ECPAS: variants seen among roughly 807,000 people sequenced by gnomAD.
ECPAS encodes proteasome adapter and scaffold protein ECM29.
A neutral mutation model predicts 255.1 loss-of-function variants in ECPAS; 70 were observed. The observed-to-expected ratio is 0.27, with a 90% CI of 0.23 to 0.33. The LOEUF is 0.33. ECPAS is among the 10% of genes least tolerant of loss of function. The pLI, the probability that ECPAS is intolerant of heterozygous loss-of-function variation, is 1.00. For synonymous variants in ECPAS, 784 were observed against 775.0 expected (o/e 1.01, Z -0.19); for missense variants, 1,817 against 2,206.4 (o/e 0.82, Z 3.54).
chr9:111,363,267 T>A (rs2098116142), intron 49 of ECPAS, among the ~76,000 whole-genome samples: 3 of 152,192 alleles, frequency 2.0e-5, no homozygotes, highest in Admixed American at 2.0e-4. Context: ...TTCTGCTTAT[T>A]TACATGTACA....
At chr9:111,375,083 C>T (rs764813783) in intron 38 of ECPAS, 30 bp downstream of exon 38, 6 of 1,494,056 alleles carry the variant, frequency 4.0e-6, no homozygotes, top group East Asian at 4.5e-5. Context: ...AATGAAGATG[C>T]ACATTTCCTC....
chr9:111,395,731 C>T (rs932827684), intron 25 of ECPAS, among the ~76,000 whole-genome samples: 1 of 152,140 alleles, frequency 6.6e-6, no homozygotes, highest in Non-Finnish European at 1.5e-5. Flanking sequence ...TCAGTGTGAG[C>T]CCTCCCTGTT....
At position 111,414,636 on chromosome 9, in the gene ECPAS, G is replaced by A. The variant is rs761135409; in HGVS notation, c.1780C>T (p.Arg594Cys). Residue 594 changes from arginine to cysteine, a missense_variant, in exon 19 of 50, where the codon CGC becomes TGC. Transcript: ENST00000684092. Reference protein sequence around the residue: ...AAFGEIVLYLRMCLAHSAGVV... With the variant: ...AAFGEIVLYLCMCLAHSAGVV... ...CCCGCACTGTGCGCAAGGCACATGC[G>A]CAAGTACAGAACGATCTACAAACAG... 6.2e-7 allele frequency: 1 copy of A among 1,612,772 alleles called. No individual in the cohort carries two copies. The highest frequency in any genetic ancestry group is 1.1e-5 in the South Asian group (1 of 91,044).
rs566025653 is a variant in ECPAS at position 111,462,846 on chromosome 9, G to A, written c.22+10051C>T. ...CAACTTCTGCCTCCCAGGTTCAAGC[G>A]ATTCTCCTGCCTCAGCCTCCCAAAT... On this transcript the variant is annotated intron_variant, in intron 2 of 49. Transcript: ENST00000684092. 4.7e-5 allele frequency among the ~76,000 whole-genome samples: 7 copies of A among 149,788 alleles called. No individual in the cohort carries two copies. The South Asian group carries it at 6.3e-4, about 14-fold the overall frequency.
In ECPAS at chr9:111,366,573, G is replaced by C. The variant is rs184798401; in HGVS notation, c.5168C>G (p.Thr1723Arg). 6.2e-7 allele frequency: 1 copy of C among 1,613,366 alleles called. No individual in the cohort carries two copies. Among genetic ancestry groups the C allele is most frequent in the East Asian group, 2.2e-5 (1 of 44,822 alleles). ...KLMCERLKLS[T>R]WKVQLGVLQS... ...CAGGACTCCTAGCTGCACTTTCCAC[G>C]TGCTGAGTTTTAGCCGTTCACACAT... The change falls in exon 47 of 50, where the codon ACG (threonine) becomes AGG (arginine). Residue 1723 changes from threonine to arginine, a missense_variant. By Grantham distance (71) the Thr-to-Arg change is moderately conservative. Coordinates refer to ENST00000684092, the MANE Select transcript of ECPAS (RefSeq NM_001364929.1).
intron 21 of ECPAS, among the ~76,000 whole-genome samples, chr9:111,411,394 C>T (rs1428985410): frequency 6.6e-6 from 1 of 152,182 alleles, no homozygotes; most frequent in Non-Finnish European, 1.5e-5. Flanking sequence ...TAATTCCATG[C>T]CCACTCCAAT....
intron 3 of ECPAS, among the ~76,000 whole-genome samples, chr9:111,447,676 CA>C (rs2098255100): frequency 6.6e-6 from 1 of 151,958 alleles, no homozygotes. Context: ...TCCCCTATTC[CA>C]AAAGTTTTCC....
chr9:111,378,312 T>C (rs2098135966), intron 36 of ECPAS, among the ~76,000 whole-genome samples: 1 of 152,096 alleles, frequency 6.6e-6, no homozygotes, highest in South Asian at 2.1e-4. Flanking sequence ...AAGGTATAGA[T>C]CCAAGCCCTA....
Position 111,484,298 on chromosome 9 carries a change from G to T in ECPAS, c.-265C>A. 1 of 1,554,464 alleles carries T rather than the reference G, an allele frequency of 6.4e-7. No homozygotes were observed. ...GGGAAATCCTCGAGGCGGGGCCGGA[G>T]CGCCCTTTTCCGAGGTCTGCGGCTG... On this transcript the variant is annotated 5_prime_UTR_variant, in exon 1 of 50. Transcript: ENST00000684092.
In ECPAS at chr9:111,407,544, G is replaced by A. The variant is rs1195424381; in HGVS notation, c.2652+1027C>T. On this transcript the variant is annotated intron_variant, in intron 24 of 49. Transcript: ENST00000684092. The stretch of plus-strand genomic sequence containing the variant: ...GGTTACAATGTTAATGACATCCCAG[G>A]AGACGTAGATTGTCTAAAAAAATTC... Among the ~76,000 whole-genome samples, 4 of 150,950 alleles carry A rather than the reference G, an allele frequency of 2.6e-5. 1 individual carries two copies. The highest frequency in any genetic ancestry group is 5.9e-5 in the Non-Finnish European group (4 of 67,904).
At chr9:111,372,107 TA>T (rs1244826741) in intron 42 of ECPAS, among the ~76,000 whole-genome samples, 1 of 152,158 alleles carries the variant, frequency 6.6e-6, no homozygotes, top group Non-Finnish European at 1.5e-5. Context: ...AAAACTACTC[TA>T]AAATACTCTA....
intron 32 of ECPAS, 130 bp downstream of exon 32, chr9:111,386,247 A>G: frequency 1.5e-6 from 1 of 679,812 alleles, no homozygotes; most frequent in Non-Finnish European, 2.6e-6. Flanking sequence ...CACAGGTGTG[A>G]GCCACCACGC....
Position 111,372,370 on chromosome 9 carries a change from GT to G in ECPAS, c.4528+58del, listed in dbSNP as rs1404128302. ...AGGAGTTTATGAATAACGAATGCAA[GT>G]AAAAAATTCTAGCTGTGATTCCTAA... On this transcript the variant is annotated intron_variant, in intron 42 of 49. Coordinates refer to ENST00000684092, the MANE Select transcript of ECPAS (RefSeq NM_001364929.1). The G allele has an allele frequency of 3.4e-6, 5 of 1,480,858 alleles. No individual in the cohort carries two copies. In the East Asian group the frequency reaches 9.1e-5, roughly 27 times the overall value. The allele number at this position is 1,480,858 out of a possible 1,614,324, so 91.7% of individuals were successfully genotyped here. A position where few individuals can be genotyped will look rare whatever the true frequency, so the allele number is the denominator to read the frequency against.
intron 2 of ECPAS, among the ~76,000 whole-genome samples, chr9:111,455,190 A>C (rs1328939289): frequency 1.3e-5 from 2 of 152,208 alleles, no homozygotes; most frequent in Non-Finnish European, 2.9e-5. Flanking sequence ...CTACCTGTAG[A>C]AACACTTGCT....
chr9:111,404,153 C>G (rs2131677921), intron 24 of ECPAS, among the ~76,000 whole-genome samples: 1 of 149,388 alleles, frequency 6.7e-6, no homozygotes, highest in East Asian at 2.0e-4. Flanking sequence ...GTACAAAGTA[C>G]AGAAAAGTAC....
intron 12 of ECPAS, among the ~76,000 whole-genome samples, chr9:111,423,682 C>G (rs1234661804): frequency 1.3e-5 from 2 of 152,136 alleles, no homozygotes; most frequent in African/African-American, 4.8e-5. Context: ...ACCAAAATTG[C>G]AATAAACTGT....
At chr9:111,438,156 T>C (rs2098240742) in intron 6 of ECPAS, among the ~76,000 whole-genome samples, 1 of 152,242 alleles carries the variant, frequency 6.6e-6, no homozygotes, top group African/African-American at 2.4e-5. Context: ...GGTTACATCA[T>C]GTTCCTAAGG....
intron 5 of ECPAS, 33 bp from the exon 6 acceptor site, chr9:111,440,554 TA>T: frequency 6.7e-7 from 1 of 1,494,860 alleles, no homozygotes; most frequent in Non-Finnish European, 9.1e-7. Context: ...TGCAACTACT[TA>T]AAAAATGAGA....
At chr9:111,464,856 T>G (rs2098277498) in intron 2 of ECPAS, among the ~76,000 whole-genome samples, 1 of 151,446 alleles carries the variant, frequency 6.6e-6, no homozygotes, top group Admixed American at 6.6e-5. Flanking sequence ...ACACAGGGGG[T>G]TTGAATTGCA....
Sources: gnomAD v4.1 joint callset for allele counts (sites outside exome capture counted in the v4.1 genomes callset) on GRCh38, gnomAD v4.1.1 for gene constraint, MANE v1.5 for transcripts, NCBI Gene and HGNC (gene_info 2026-07-23, HGNC 2026-07-21) for gene names.